NMNAT2: variants seen among roughly 807,000 people sequenced by gnomAD.
The protein encoded by NMNAT2 is nicotinamide/nicotinic acid mononucleotide adenylyltransferase 2.
In NMNAT2, 11 loss-of-function variants were observed where a neutral mutation model predicts 41.6. That is an observed-to-expected ratio of 0.26 (90% CI 0.17 to 0.44). NMNAT2 has a LOEUF of 0.44. NMNAT2 is among the 20% of genes least tolerant of loss of function. NMNAT2 has a pLI of 1.00. For missense variants in NMNAT2, 288 were observed against 407.7 expected, an observed-to-expected ratio of 0.71 and a Z score of 2.53; for synonymous variants, 148 against 151.2, an observed-to-expected ratio of 0.98 and a Z score of 0.16.
chr1:183,360,331 C>T (rs761485897), intron 1 of NMNAT2, among the ~76,000 whole-genome samples: 13 of 152,128 alleles, frequency 8.5e-5, no homozygotes, highest in Non-Finnish European at 1.9e-4. Context: ...GGAAGCTGCA[C>T]AGCCTACCTA....
chr1:183,279,514 A>G (rs1661206734), intron 7 of NMNAT2, among the ~76,000 whole-genome samples: 1 of 152,202 alleles, frequency 6.6e-6, no homozygotes, highest in Non-Finnish European at 1.5e-5. Flanking sequence ...TGAGGGCACC[A>G]CCAGCCTTCC....
intron 1 of NMNAT2, among the ~76,000 whole-genome samples, chr1:183,362,583 T>C (rs1325890199): frequency 6.6e-6 from 1 of 152,226 alleles, no homozygotes; most frequent in Non-Finnish European, 1.5e-5. Context: ...GGTTCATCCA[T>C]GTTGTAGTAT....
chr1:183,305,716 CTTTT>C (rs5741563), intron 1 of NMNAT2, among the ~76,000 whole-genome samples: 3 of 123,168 alleles, frequency 2.4e-5, no homozygotes, highest in Non-Finnish European at 3.3e-5. Context: ...CCTTTACAGC[CTTTT>C]TTTTTTTTTT....
chr1:183,312,265 C>T lies in NMNAT2; in HGVS notation c.86-18472G>A, dbSNP rs868572086. On this transcript the variant is annotated intron_variant, in intron 1 of 10. Coordinates refer to ENST00000287713, the MANE Select transcript of NMNAT2 (RefSeq NM_015039.4). The stretch of plus-strand genomic sequence containing the variant: ...TCTTTTTATTTTAAATAATTTAAGG[C>T]TTTTTTTTTTTTTTGAAATGAGGTC... Among the ~76,000 whole-genome samples the T allele has an allele frequency of 4.3e-4, 60 of 140,664 alleles. 1 individual carries two copies. Among genetic ancestry groups the T allele is most frequent in the African/African-American group, 1.5e-3 (57 of 38,548 alleles). The allele number at this position is 140,664 out of a possible 152,430, so 92.3% of individuals were successfully genotyped here. A position where few individuals can be genotyped will look rare whatever the true frequency, so the allele number is the denominator to read the frequency against.
intron 1 of NMNAT2, among the ~76,000 whole-genome samples, chr1:183,328,632 G>A (rs922977276): frequency 6.6e-6 from 1 of 152,168 alleles, no homozygotes; most frequent in Non-Finnish European, 1.5e-5. Flanking sequence ...TTGTCTCTAG[G>A]AGCCCTGCCT....
chr1:183,260,882 C>A lies in NMNAT2; in HGVS notation c.821+120G>T, dbSNP rs552841517. 292 of 770,324 alleles carry A rather than the reference C, an allele frequency of 3.8e-4. 4 individuals carry two copies. The South Asian group carries it at 4.1e-3, about 11-fold the overall frequency. The allele number at this position is 770,324 out of a possible 1,614,324, so 47.7% of individuals were successfully genotyped here. ...GAACAAATGAGGTCCAAACAGGAAG[C>A]TAAACACCAGGGCAGCAGATGTCTG... On this transcript the variant is annotated intron_variant, in intron 10 of 10. Coordinates refer to ENST00000287713, the MANE Select transcript of NMNAT2 (RefSeq NM_015039.4).
chr1:183,264,840 C>G (rs1660764216), intron 8 of NMNAT2, among the ~76,000 whole-genome samples: 1 of 152,082 alleles, frequency 6.6e-6, no homozygotes, highest in South Asian at 2.1e-4. Context: ...AGGACACTAC[C>G]CTCTCCTGGT....
At chr1:183,352,769 C>T (rs1022695883) in intron 1 of NMNAT2, among the ~76,000 whole-genome samples, 2 of 152,274 alleles carry the variant, frequency 1.3e-5, no homozygotes, top group African/African-American at 4.8e-5. Flanking sequence ...CATCAAGGCC[C>T]TGCACTGTGG....
chr1:183,359,306 C>G (rs1293910498), intron 1 of NMNAT2, among the ~76,000 whole-genome samples: 4 of 152,002 alleles, frequency 2.6e-5, no homozygotes, highest in African/African-American at 9.7e-5. Flanking sequence ...TATTTCGCTG[C>G]CATTAGGAAC....
At chr1:183,268,437 A>G (rs1427318003) in intron 8 of NMNAT2, among the ~76,000 whole-genome samples, 1 of 152,174 alleles carries the variant, frequency 6.6e-6, no homozygotes, top group Non-Finnish European at 1.5e-5. Flanking sequence ...ATTATTTTCA[A>G]TTGTATCTAC....
In NMNAT2 at chr1:183,272,367, G is replaced by A. The variant is rs113633886; in HGVS notation, c.651+6186C>T. ...TGGCAGGAGCTGGGTTCTGATCTCC[G>A]AGGCTGGTCCAGAAGTCTGGATCTT... On this transcript the variant is annotated intron_variant, in intron 8 of 10. Transcript: ENST00000287713. 1.7e-3 allele frequency among the ~76,000 whole-genome samples: 254 copies of A among 152,318 alleles called. 1 individual carries two copies. The highest frequency in any genetic ancestry group is 5.5e-3 in the African/African-American group (229 of 41,554).
chr1:183,327,224 T>C (rs548782629), intron 1 of NMNAT2, among the ~76,000 whole-genome samples: 5 of 152,224 alleles, frequency 3.3e-5, no homozygotes, highest in East Asian at 1.9e-4. Context: ...CTAATTTTTG[T>C]ATTTTTAGTA....
chr1:183,339,821 T>C (rs1040074628), intron 1 of NMNAT2, among the ~76,000 whole-genome samples: 8 of 152,044 alleles, frequency 5.3e-5, no homozygotes, highest in Admixed American at 5.2e-4. Context: ...GCCTTCTGAG[T>C]GGCCCAATGA....
chr1:183,304,509 C>T (rs1661949033), intron 1 of NMNAT2, among the ~76,000 whole-genome samples: 2 of 152,266 alleles, frequency 1.3e-5, no homozygotes, highest in African/African-American at 4.8e-5. Flanking sequence ...GGCTTACATG[C>T]ATATAGGGAT....
In NMNAT2 at chr1:183,414,713, A is replaced by G. The variant is rs571117094; in HGVS notation, c.85+3470T>C. ...TCTATAGTTTCAAATAGGAGAAATA[A>G]TATCAACTTCCCTTTCAGAGTAAAA... On this transcript the variant is annotated intron_variant, in intron 1 of 10. Transcript: ENST00000287713. Among the ~76,000 whole-genome samples, 8 of 152,368 alleles carry G rather than the reference A, an allele frequency of 5.3e-5. No homozygotes were observed. In the South Asian group the frequency reaches 1.7e-3, roughly 32 times the overall value.
intron 10 of NMNAT2, 31 bp from the exon 11 acceptor site, chr1:183,252,774 C>T (rs1343375868): frequency 6.6e-7 from 1 of 1,521,380 alleles, no homozygotes. Context: ...ATCAGATGGA[C>T]ATCCACACCC....
chr1:183,317,887 A>AT (rs1238372331), intron 1 of NMNAT2, among the ~76,000 whole-genome samples: 1 of 152,208 alleles, frequency 6.6e-6, no homozygotes, highest in Admixed American at 6.5e-5. Context: ...AAATATTTAA[A>AT]TTAGCATCCA....
intron 8 of NMNAT2, among the ~76,000 whole-genome samples, chr1:183,273,315 A>G (rs75870725): frequency 0.03 from 4,574 of 152,348 alleles, 138 homozygotes; most frequent in South Asian, 0.099. Flanking sequence ...TATTCTTTTA[A>G]CAGCAGATTT....
intron 10 of NMNAT2, among the ~76,000 whole-genome samples, chr1:183,256,802 T>A (rs528977658): frequency 6.6e-6 from 1 of 152,084 alleles, no homozygotes; most frequent in African/African-American, 2.4e-5. Context: ...CAGGCTGGAG[T>A]GCAGCAGCGC....
Sources: gnomAD v4.1 joint callset for allele counts (sites outside exome capture counted in the v4.1 genomes callset) on GRCh38, gnomAD v4.1.1 for gene constraint, MANE v1.5 for transcripts, NCBI Gene and HGNC (gene_info 2026-07-23, HGNC 2026-07-21) for gene names.